The following CDH13 variants were observed in gnomAD, a reference collection of about 807,000 sequenced individuals.
CDH13 encodes cadherin-13.
Under a neutral mutation model 63.8 loss-of-function variants are expected in CDH13, and 24 were observed. The observed-to-expected ratio is 0.38, with a 90% CI of 0.27 to 0.53. The LOEUF (loss-of-function observed/expected upper bound fraction) is 0.53, where lower values mean the gene tolerates loss of function less well. Among genes scored for constraint, CDH13 ranks in the 20% least tolerant of loss-of-function variants. The pLI is 0.85. For synonymous variants in CDH13, 503 were observed against 355.3 expected (o/e 1.42, Z -4.67); for missense variants, 1,049 against 903.1 (o/e 1.16, Z -2.07).
chr16:83,190,988 G>C (rs996028434), intron 4 of CDH13, among the ~76,000 whole-genome samples: 1 of 151,788 alleles, frequency 6.6e-6, no homozygotes, highest in Admixed American at 6.6e-5. Flanking sequence ...TTTGGGGTGG[G>C]AATGTTCTTA....
At chr16:82,807,506 G>A (rs927290396) in intron 1 of CDH13, among the ~76,000 whole-genome samples, 2 of 152,126 alleles carry the variant, frequency 1.3e-5, no homozygotes, top group Admixed American at 1.3e-4. Flanking sequence ...GTGGGTGAGT[G>A]GGAGAGAACT....
At chr16:82,981,278 G>C (rs1457302816) in intron 2 of CDH13, among the ~76,000 whole-genome samples, 1 of 152,160 alleles carries the variant, frequency 6.6e-6, no homozygotes, top group African/African-American at 2.4e-5. Flanking sequence ...CCTGATAAAT[G>C]TATTCCCTCA....
chr16:83,027,727 G>C (rs866573820), intron 2 of CDH13, among the ~76,000 whole-genome samples: 4 of 152,132 alleles, frequency 2.6e-5, no homozygotes, highest in Admixed American at 1.3e-4. Flanking sequence ...CACATTGCCT[G>C]GGCTTAGCTT....
At chr16:82,855,834 T>C (rs2039661014) in intron 1 of CDH13, among the ~76,000 whole-genome samples, 2 of 152,192 alleles carry the variant, frequency 1.3e-5, no homozygotes, top group South Asian at 4.1e-4. Flanking sequence ...TGATTCTTGC[T>C]CCCTTCTTTG....
At chr16:83,232,545 C>CAACAA (rs1164619286) in intron 5 of CDH13, among the ~76,000 whole-genome samples, 6 of 107,954 alleles carry the variant, frequency 5.6e-5, no homozygotes, top group South Asian at 2.6e-4. Flanking sequence ...ACAACAACAA[C>CAACAA]AAACAAACAA....
At chr16:83,302,910 A>C (rs2089783493) in intron 5 of CDH13, among the ~76,000 whole-genome samples, 1 of 152,192 alleles carries the variant, frequency 6.6e-6, no homozygotes, top group Non-Finnish European at 1.5e-5. Flanking sequence ...AGGTCAGAGG[A>C]AGGGCAGACT....
At chr16:83,042,065 A>T (rs924393119) in intron 3 of CDH13, among the ~76,000 whole-genome samples, 1 of 152,136 alleles carries the variant, frequency 6.6e-6, no homozygotes, top group African/African-American at 2.4e-5. Flanking sequence ...CAACTGTTTG[A>T]ATCCTCTGTT....
intron 8 of CDH13, among the ~76,000 whole-genome samples, chr16:83,658,814 T>C (rs368224913): frequency 0.045 from 5,860 of 131,022 alleles, 33 homozygotes; most frequent in African/African-American, 0.1. Flanking sequence ...TCCCATATCC[T>C]CACCAGCAAG....
intron 8 of CDH13, among the ~76,000 whole-genome samples, chr16:83,605,951 C>G (rs143119342): frequency 1.2e-3 from 189 of 152,234 alleles, no homozygotes; most frequent in African/African-American, 4.3e-3. Context: ...GGCCTCGGGA[C>G]AAAAGCGAGA....
intron 8 of CDH13, among the ~76,000 whole-genome samples, chr16:83,627,592 C>T (rs1394639976): frequency 2.0e-5 from 3 of 152,006 alleles, no homozygotes; most frequent in Non-Finnish European, 4.4e-5. Context: ...ACTCTGTCAC[C>T]CAGGCTGGAG....
chr16:82,930,324 G>T (rs891283797), intron 2 of CDH13, among the ~76,000 whole-genome samples: 1 of 152,078 alleles, frequency 6.6e-6, no homozygotes, highest in African/African-American at 2.4e-5. Flanking sequence ...TTGTGTGTCT[G>T]TATGGGACTC....
chr16:83,759,058 T>C (rs1913741892), intron 11 of CDH13, among the ~76,000 whole-genome samples: 1 of 152,214 alleles, frequency 6.6e-6, no homozygotes, highest in African/African-American at 2.4e-5. Context: ...ATAAAATTTA[T>C]ATGGAAATAC....
intron 1 of CDH13, among the ~76,000 whole-genome samples, chr16:82,761,021 T>C (rs4783267): frequency 0.04 from 1,331 of 32,872 alleles, 6 homozygotes; most frequent in East Asian, 0.072. Context: ...TTCTTTCTTT[T>C]TTTTTTTTTT....
intron 1 of CDH13, among the ~76,000 whole-genome samples, chr16:82,798,861 C>G (rs1359732716): frequency 2.6e-5 from 4 of 152,076 alleles, no homozygotes; most frequent in African/African-American, 9.7e-5. Context: ...AAATGGATAT[C>G]TTATTTAATA....
intron 4 of CDH13, among the ~76,000 whole-genome samples, chr16:83,149,607 A>G: frequency 6.6e-6 from 1 of 152,176 alleles, no homozygotes; most frequent in Non-Finnish European, 1.5e-5. Context: ...ATTTTTGTGT[A>G]TATCACTAAA....
At chr16:83,355,149 A>G (rs1243287560) in intron 6 of CDH13, among the ~76,000 whole-genome samples, 2 of 152,218 alleles carry the variant, frequency 1.3e-5, no homozygotes, top group Non-Finnish European at 2.9e-5. Context: ...AGAGAGAAAT[A>G]GGGAAACAAG....
intron 7 of CDH13, among the ~76,000 whole-genome samples, chr16:83,502,957 T>G (rs1030650352): frequency 1.3e-5 from 2 of 152,178 alleles, no homozygotes; most frequent in African/African-American, 4.8e-5. Flanking sequence ...TGCATGAAAG[T>G]GTTCCTCTCA....
At chr16:83,137,761 C>G (rs868707668) in intron 4 of CDH13, among the ~76,000 whole-genome samples, 5 of 152,132 alleles carry the variant, frequency 3.3e-5, no homozygotes, top group Admixed American at 6.5e-5. Context: ...ATGGACTGGC[C>G]TTTTCACGGT....
rs1347474094 is a variant in CDH13 at position 83,783,361 on chromosome 16, C to A, written c.2023C>A (p.Leu675Ile). 1 of 1,613,946 alleles carries A rather than the reference C, an allele frequency of 6.2e-7. No homozygotes were observed. The highest frequency in any genetic ancestry group is 1.1e-5 in the South Asian group (1 of 91,078). ...ACCACCCATGACGAATATCACAGAT[C>A]TCAGGGTACAAGTGTGCTCCTGCAG... ...GKPPMTNITD[L>I]RVQVCSCRNS... The change falls in exon 13 of 14, where the codon CTC becomes ATC. Residue 675 changes from leucine to isoleucine, a missense_variant. Coordinates refer to ENST00000567109, the MANE Select transcript of CDH13 (RefSeq NM_001257.5).
Sources: allele counts gnomAD v4.1 joint callset (sites outside exome capture counted in the v4.1 genomes callset), GRCh38; gene constraint gnomAD v4.1.1; transcripts MANE v1.5; gene names NCBI Gene and HGNC (gene_info 2026-07-23, HGNC 2026-07-21).